The following EPHA4 variants were observed in gnomAD, a reference collection of about 807,000 sequenced individuals.
The protein encoded by EPHA4 is ephrin type-A receptor 4.
EPHA4 carries 19 observed loss-of-function variants against 108.3 expected under a neutral mutation model. The ratio of observed to expected loss-of-function variants is 0.18; its 90% CI spans 0.12 to 0.26. EPHA4 has a LOEUF of 0.26. Ranked by LOEUF, EPHA4 falls within the 10% of genes least tolerant of loss-of-function variation. The pLI is 1.00. For missense variants in EPHA4, 917 were observed against 1,254.0 expected (o/e 0.73, Z 4.06); for synonymous variants, 449 against 455.5 (o/e 0.99, Z 0.18).
chr2:221,558,642 A>T (rs1461596385), intron 3 of EPHA4, among the ~76,000 whole-genome samples: 1 of 152,158 alleles, frequency 6.6e-6, no homozygotes, highest in Non-Finnish European at 1.5e-5. Flanking sequence ...TCAAATCTTG[A>T]ATACCATATT....
chr2:221,504,730 T>C (rs913042580), intron 3 of EPHA4, among the ~76,000 whole-genome samples: 7 of 152,204 alleles, frequency 4.6e-5, no homozygotes, highest in Admixed American at 1.3e-4. Context: ...TATATGCTCA[T>C]TGATCATTTA....
chr2:221,492,754 G>C (rs1680752837), intron 4 of EPHA4, among the ~76,000 whole-genome samples: 1 of 152,198 alleles, frequency 6.6e-6, no homozygotes, highest in South Asian at 2.1e-4. Flanking sequence ...TACAGTCCAT[G>C]GGACAGACAC....
At chr2:221,572,368 C>A, upstream of EPHA4, 2 of 861,988 alleles carry the variant, frequency 2.3e-6, no homozygotes, top group Non-Finnish European at 3.6e-6. Flanking sequence ...TGACGTGAGC[C>A]CGCCAGTCCG....
intron 3 of EPHA4, among the ~76,000 whole-genome samples, chr2:221,550,728 C>G (rs551203735): frequency 6.6e-5 from 10 of 152,110 alleles, no homozygotes; most frequent in Non-Finnish European, 1.0e-4. Context: ...GTTCTGGCTC[C>G]TAATCACTGT....
At chr2:221,428,990 G>A (rs1689993390) in intron 15 of EPHA4, among the ~76,000 whole-genome samples, 1 of 152,102 alleles carries the variant, frequency 6.6e-6, no homozygotes, top group Non-Finnish European at 1.5e-5. Context: ...CACAGGGCCT[G>A]CAAAGACTGG....
intron 9 of EPHA4, among the ~76,000 whole-genome samples, chr2:221,445,608 A>T (rs1479460183): frequency 6.6e-6 from 1 of 151,330 alleles, no homozygotes; most frequent in Non-Finnish European, 1.5e-5. Flanking sequence ...AAAAAAAAAA[A>T]AGTCTTCTAC....
At chr2:221,539,771 C>A (rs1693778383) in intron 3 of EPHA4, among the ~76,000 whole-genome samples, 1 of 152,154 alleles carries the variant, frequency 6.6e-6, no homozygotes, top group African/African-American at 2.4e-5. Context: ...AGGATCAACA[C>A]TCAGATTTAG....
At chr2:221,486,452 C>T (rs528040571) in intron 4 of EPHA4, among the ~76,000 whole-genome samples, 5 of 152,172 alleles carry the variant, frequency 3.3e-5, no homozygotes, top group African/African-American at 9.6e-5. Flanking sequence ...ATGTCTTGGC[C>T]GGGCACAGTG....
rs1574624753 is a variant in EPHA4 at position 221,512,690 on chromosome 2, A to G, written c.824-11518T>C. Among the ~76,000 whole-genome samples the G allele has an allele frequency of 2.0e-5, 3 of 152,332 alleles. No individual in the cohort carries two copies. In the East Asian group the frequency reaches 5.8e-4, roughly 29 times the overall value. ...CTGAATTTAATACACGGGTCTATGCAGATTAGCGTCATTATGTAGAAATTT... is the reference window on the plus strand; with the variant it reads ...CTGAATTTAATACACGGGTCTATGCGGATTAGCGTCATTATGTAGAAATTT... On this transcript the variant is annotated intron_variant, in intron 3 of 17. Coordinates refer to ENST00000281821, the MANE Select transcript of EPHA4 (RefSeq NM_004438.5).
chr2:221,535,957 C>T (rs1026090939), intron 3 of EPHA4, among the ~76,000 whole-genome samples: 8 of 152,186 alleles, frequency 5.3e-5, no homozygotes, highest in Admixed American at 5.2e-4. Context: ...CTCCACCTAC[C>T]TACCCAGTCT....
At chr2:221,462,257 T>TA (rs1195754191) in intron 5 of EPHA4, among the ~76,000 whole-genome samples, 1 of 152,042 alleles carries the variant, frequency 6.6e-6, no homozygotes, top group African/African-American at 2.4e-5. Context: ...GGTAGCTCTT[T>TA]AAAAAAGATG....
chr2:221,434,379 A>G, intron 13 of EPHA4, 88 bp from the exon 14 acceptor site: 1 of 1,386,068 alleles, frequency 7.2e-7, no homozygotes, highest in Non-Finnish European at 9.9e-7. Context: ...CTAGCCAAGC[A>G]GGACAACAGC....
At chr2:221,553,712 G>C (rs1011439696) in intron 3 of EPHA4, among the ~76,000 whole-genome samples, 1 of 152,110 alleles carries the variant, frequency 6.6e-6, no homozygotes, top group African/African-American at 2.4e-5. Context: ...AACCTTTTTC[G>C]CCTTGCTTCT....
chr2:221,429,965 T>C lies in EPHA4; in HGVS notation c.2683A>G (p.Ser895Gly). 1 of 1,613,898 alleles carries C rather than the reference T, an allele frequency of 6.2e-7. No individual in the cohort carries two copies. Among genetic ancestry groups the C allele is most frequent in the African/African-American group, 1.3e-5 (1 of 75,010 alleles). ...PNSLKRTGTE[S>G]SRPNTALLDP... ...TAAGTAAGCATGGCTGACCTGGAGC[T>C]CTCCGTCCCTGTCCTCTTCAAGCTG... Residue 895 changes from serine to glycine, a missense_variant, in exon 15 of 18, where the codon AGC becomes GGC. Ser to Gly is a moderately conservative substitution (Grantham distance 56, BLOSUM62 0). Transcript: ENST00000281821.
intron 15 of EPHA4, 60 bp downstream of exon 15, chr2:221,429,898 A>C: frequency 6.3e-7 from 1 of 1,583,760 alleles, no homozygotes; most frequent in Non-Finnish European, 8.6e-7. Flanking sequence ...GTGAGTCACC[A>C]CTTGCCTGCC....
chr2:221,539,679 G>A (rs139987578), intron 3 of EPHA4, among the ~76,000 whole-genome samples: 146 of 152,274 alleles, frequency 9.6e-4, no homozygotes, highest in African/African-American at 2.5e-3. Flanking sequence ...CCAGTAACGC[G>A]GAGTAGTCAC....
chr2:221,479,920 A>T (rs1006863015), intron 5 of EPHA4, among the ~76,000 whole-genome samples: 1 of 152,176 alleles, frequency 6.6e-6, no homozygotes, highest in African/African-American at 2.4e-5. Flanking sequence ...TGTCCTGTTC[A>T]GCAAACCTCC....
intron 15 of EPHA4, among the ~76,000 whole-genome samples, chr2:221,429,699 C>T (rs1201854771): frequency 6.6e-6 from 1 of 152,174 alleles, no homozygotes; most frequent in East Asian, 1.9e-4. Context: ...AAAATAGGCA[C>T]TTCAGTTATT....
At chr2:221,435,609 G>C (rs1018828186) in intron 13 of EPHA4, among the ~76,000 whole-genome samples, 2 of 152,132 alleles carry the variant, frequency 1.3e-5, no homozygotes, top group African/African-American at 2.4e-5. Context: ...GATTTTAACA[G>C]TGTCAGTGTT....
Sources: allele counts gnomAD v4.1 joint callset (sites outside exome capture counted in the v4.1 genomes callset), GRCh38; gene constraint gnomAD v4.1.1; transcripts MANE v1.5; gene names NCBI Gene and HGNC (gene_info 2026-07-23, HGNC 2026-07-21).